The following ZBED6 variants were observed in gnomAD, a reference collection of about 807,000 sequenced individuals.
ZBED6 encodes the protein zinc finger BED domain-containing protein 6.
A neutral mutation model predicts 58.4 loss-of-function variants in ZBED6; 40 were observed. That is an observed-to-expected ratio of 0.68 (90% confidence interval 0.53 to 0.89). ZBED6 has a LOEUF of 0.89. Ranked by LOEUF, ZBED6 falls within the 40% of genes least tolerant of loss-of-function variation. The pLI, the probability that ZBED6 is intolerant of heterozygous loss-of-function variation, is 0.00. For missense variants in ZBED6, 1,057 were observed against 1,003.9 expected, an observed-to-expected ratio of 1.05 and a Z score of -0.71; for synonymous variants, 439 against 350.6, an observed-to-expected ratio of 1.25 and a Z score of -2.82.
chr1:203,832,417 A>G (rs747169506), intron 8 of ZBED6, among the ~76,000 whole-genome samples: 3 of 151,454 alleles, frequency 2.0e-5, no homozygotes, highest in Admixed American at 1.3e-4. Flanking sequence ...CTAAAGTGCA[A>G]TGGTGCGATC....
intron 1 of ZBED6, among the ~76,000 whole-genome samples, chr1:203,814,385 G>A (rs532417348): frequency 1.3e-5 from 2 of 152,266 alleles, no homozygotes; most frequent in Admixed American, 6.5e-5. Context: ...TTAGCCATAT[G>A]TGGTGGTGCA....
At chr1:203,825,224 A>AT (rs1286159836) in intron 3 of ZBED6, among the ~76,000 whole-genome samples, 1 of 152,176 alleles carries the variant, frequency 6.6e-6, no homozygotes, top group Admixed American at 6.5e-5. Context: ...GTTGATGAAA[A>AT]TGTGACCAGA....
intron 1 of ZBED6, among the ~76,000 whole-genome samples, chr1:203,803,673 A>G (rs6662927): frequency 0.44 from 67,327 of 151,876 alleles, 15,687 homozygotes; most frequent in Non-Finnish European, 0.53. Context: ...TGGCATGATC[A>G]TAGCTCACTG....
intron 3 of ZBED6, among the ~76,000 whole-genome samples, chr1:203,819,514 G>A (rs1438728817): frequency 7.0e-6 from 1 of 142,444 alleles, no homozygotes. Context: ...GAGCCACCGT[G>A]CCCAGCTGAC....
chr1:203,818,850 A>T (rs1016600970), intron 3 of ZBED6, among the ~76,000 whole-genome samples, 161 bp downstream of exon 3: 2 of 151,692 alleles, frequency 1.3e-5, no homozygotes, highest in Non-Finnish European at 2.9e-5. Context: ...CGGGTAGATC[A>T]TGAGGTCAGG....
At chr1:203,798,664 G>A (rs1479453760) in exon 1 of ZBED6, 1 of 1,536,036 alleles carries the variant, frequency 6.5e-7, no homozygotes, top group Non-Finnish European at 8.7e-7. Context: ...AGATCTGAAA[G>A]TCCTATTCCC....
At chr1:203,829,372 T>G in intron 4 of ZBED6, 79 bp from the exon 5 acceptor site, 6 of 1,428,240 alleles carry the variant, frequency 4.2e-6, no homozygotes, top group Non-Finnish European at 5.9e-6. Flanking sequence ...CACTATAGTT[T>G]TCATAGGTGG....
At chr1:203,814,090 G>A (rs1467712278) in intron 1 of ZBED6, among the ~76,000 whole-genome samples, 1 of 151,494 alleles carries the variant, frequency 6.6e-6, no homozygotes, top group Non-Finnish European at 1.5e-5. Flanking sequence ...GCATTTCACT[G>A]TAAGCAGCAG....
chr1:203,833,996 A>G, intron 9 of ZBED6, 143 bp downstream of exon 9: 1 of 1,367,818 alleles, frequency 7.3e-7, no homozygotes, highest in South Asian at 1.9e-5. Context: ...TCATGTTTTC[A>G]TGAGTGCATT....
At chr1:203,813,727 T>G (rs561464859) in intron 1 of ZBED6, among the ~76,000 whole-genome samples, 1 of 152,224 alleles carries the variant, frequency 6.6e-6, no homozygotes, top group South Asian at 2.1e-4. Flanking sequence ...TCCTTACCCA[T>G]TCTGGCTTCT....
intron 4 of ZBED6, 115 bp from the exon 5 acceptor site, chr1:203,829,336 T>G: frequency 9.5e-7 from 1 of 1,047,250 alleles, no homozygotes; most frequent in South Asian, 1.5e-5. Context: ...TGAGGAAATT[T>G]AGTATAAATG....
chr1:203,827,616 A>G (rs1572157733), intron 3 of ZBED6, among the ~76,000 whole-genome samples: 1 of 151,316 alleles, frequency 6.6e-6, no homozygotes, highest in African/African-American at 2.4e-5. Flanking sequence ...CGGGAGGCGG[A>G]GCTTGCAGTG....
At chr1:203,806,757 T>G (rs1490010918) in intron 1 of ZBED6, among the ~76,000 whole-genome samples, 1 of 152,068 alleles carries the variant, frequency 6.6e-6, no homozygotes, top group South Asian at 2.1e-4. Flanking sequence ...TTCTGGTGAT[T>G]ATGTGCATTT....
At chr1:203,836,407 C>A (rs185619059) in intron 9 of ZBED6, among the ~76,000 whole-genome samples, 82 of 152,240 alleles carry the variant, frequency 5.4e-4, no homozygotes, top group African/African-American at 1.8e-3. Context: ...ATCTAAAAAA[C>A]CGTTTTTAAA....
intron 1 of ZBED6, among the ~76,000 whole-genome samples, chr1:203,805,128 T>C (rs1170334352): frequency 1.4e-5 from 2 of 147,852 alleles, no homozygotes; most frequent in Admixed American, 1.4e-4. Flanking sequence ...AATACCCACT[T>C]CTGATACAGT....
intron 3 of ZBED6, among the ~76,000 whole-genome samples, chr1:203,821,780 C>T (rs1447351975): frequency 2.0e-4 from 30 of 148,752 alleles, no homozygotes; most frequent in African/African-American, 6.7e-4. Flanking sequence ...TTTTTTGAGA[C>T]GGAGTCTTGC....
chr1:203,818,042 C>T (rs1006417269), intron 2 of ZBED6, among the ~76,000 whole-genome samples: 5 of 151,990 alleles, frequency 3.3e-5, no homozygotes, highest in East Asian at 3.9e-4. Flanking sequence ...CCCCCACGCC[C>T]GGTGATATTA....
chr1:203,798,292 C>T lies in ZBED6; in HGVS notation c.770C>T (p.Ala257Val), dbSNP rs1289601322. ...ATCAAAAGTAACATTGTCAAGCATG[C>T]TTTAATTCCTGGAACTAGAGCCAAG... is the stretch of plus-strand genomic sequence containing the variant. Residue 257 changes from alanine (A) to valine (V), a missense_variant, in exon 1 of 17, where the codon GCT (alanine) becomes GTT (valine). Ala to Val is a moderately conservative substitution (Grantham distance 64). Transcript: ENST00000550078. 7 of 1,536,094 alleles carry T rather than the reference C, an allele frequency of 4.6e-6. No individual in the cohort carries two copies. The highest frequency in any genetic ancestry group is 6.1e-6 in the Non-Finnish European group (7 of 1,146,910).
exon 1 of ZBED6, chr1:203,797,118 G>C (rs754857976): frequency 6.4e-6 from 1 of 155,856 alleles, no homozygotes; most frequent in Non-Finnish European, 1.4e-5. Flanking sequence ...ATTTTACAAG[G>C]TGAAGGCATT....
Sources: allele counts gnomAD v4.1 joint callset (sites outside exome capture counted in the v4.1 genomes callset), GRCh38; gene constraint gnomAD v4.1.1; transcripts MANE v1.5; gene names NCBI Gene and HGNC (gene_info 2026-07-23, HGNC 2026-07-21).